ZMAT4: variants seen among roughly 807,000 people sequenced by gnomAD.
The protein encoded by ZMAT4 is zinc finger matrin-type 4.
In ZMAT4, 17 loss-of-function variants were observed where a neutral mutation model predicts 28.7. That is an observed-to-expected ratio of 0.59 (90% CI 0.41 to 0.89). The LOEUF (loss-of-function observed/expected upper bound fraction) is 0.89, where lower values mean the gene tolerates loss of function less well. ZMAT4 is among the 40% of genes least tolerant of loss of function. The pLI, the probability that ZMAT4 is intolerant of heterozygous loss-of-function variation, is 0.00. For missense variants in ZMAT4, 240 were observed against 283.8 expected, an observed-to-expected ratio of 0.85 and a Z score of 1.11; for synonymous variants, 117 against 109.2, an observed-to-expected ratio of 1.07 and a Z score of -0.44.
At chr8:40,786,413 A>G (rs1814083921) in intron 2 of ZMAT4, among the ~76,000 whole-genome samples, 1 of 152,090 alleles carries the variant, frequency 6.6e-6, no homozygotes, top group African/African-American at 2.4e-5. Context: ...ATGGTTATGA[A>G]TTATAGAAGG....
intron 4 of ZMAT4, among the ~76,000 whole-genome samples, chr8:40,692,696 T>C (rs1415678788): frequency 6.6e-6 from 1 of 152,206 alleles, no homozygotes; most frequent in African/African-American, 2.4e-5. Flanking sequence ...ATTCCAATTA[T>C]GCATAATCTT....
intron 4 of ZMAT4, among the ~76,000 whole-genome samples, chr8:40,689,267 A>G (rs1809554726): frequency 6.6e-6 from 1 of 152,234 alleles, no homozygotes; most frequent in African/African-American, 2.4e-5. Context: ...AAGTAGCCAG[A>G]GTCCACAGGT....
intron 1 of ZMAT4, among the ~76,000 whole-genome samples, chr8:40,877,142 G>A (rs748770644): frequency 5.9e-5 from 9 of 152,204 alleles, no homozygotes; most frequent in African/African-American, 9.7e-5. Flanking sequence ...GGGAAGATGC[G>A]ATGAAGACCC....
At chr8:40,828,812 C>G (rs1357850138) in intron 1 of ZMAT4, among the ~76,000 whole-genome samples, 1 of 152,108 alleles carries the variant, frequency 6.6e-6, no homozygotes, top group Admixed American at 6.5e-5. Flanking sequence ...TCACTTTAGA[C>G]AACCAGAGGG....
At chr8:40,616,455 T>G (rs1040844057) in intron 5 of ZMAT4, among the ~76,000 whole-genome samples, 2 of 152,228 alleles carry the variant, frequency 1.3e-5, no homozygotes, top group African/African-American at 4.8e-5. Context: ...ATTGTGGCAC[T>G]ATTTACAATA....
At chr8:40,628,995 G>A (rs911698766) in intron 5 of ZMAT4, among the ~76,000 whole-genome samples, 14 of 117,752 alleles carry the variant, frequency 1.2e-4, no homozygotes, top group Non-Finnish European at 2.4e-4. Context: ...TCCTGCCCTC[G>A]AGCTTTCTTT....
intron 1 of ZMAT4, among the ~76,000 whole-genome samples, chr8:40,884,071 C>G (rs925730633): frequency 2.0e-5 from 3 of 152,158 alleles, no homozygotes; most frequent in African/African-American, 7.2e-5. Flanking sequence ...GTGCAGGGAG[C>G]ATTTGTCTCC....
At chr8:40,711,953 GT>G (rs1468152419) in intron 3 of ZMAT4, among the ~76,000 whole-genome samples, 2 of 152,072 alleles carry the variant, frequency 1.3e-5, no homozygotes, top group Non-Finnish European at 2.9e-5. Context: ...TTGTATGTGG[GT>G]TTTATTTTCT....
At chr8:40,656,826 C>A (rs1807946763) in intron 5 of ZMAT4, among the ~76,000 whole-genome samples, 2 of 151,692 alleles carry the variant, frequency 1.3e-5, no homozygotes, top group African/African-American at 2.4e-5. Context: ...ATAAAATGTC[C>A]AAAATAGGCA....
intron 1 of ZMAT4, among the ~76,000 whole-genome samples, chr8:40,847,585 C>T (rs1385936953): frequency 6.6e-6 from 1 of 152,226 alleles, no homozygotes; most frequent in African/African-American, 2.4e-5. Context: ...TCTTCCTCTG[C>T]AGCATGTCAG....
In ZMAT4 at chr8:40,638,468, G is replaced by C. The variant is rs933919908; in HGVS notation, c.577+36236C>G. Among the ~76,000 whole-genome samples, 5 of 152,326 alleles carry C rather than the reference G, an allele frequency of 3.3e-5. No homozygotes were observed. The East Asian group carries it at 9.6e-4, about 29-fold the overall frequency. On this transcript the variant is annotated intron_variant, in intron 5 of 6. Transcript: ENST00000297737. ...CAAGTAAGGGTTAAAAGCCACCTCT[G>C]CTAGGAGAGGAAATCCACTGAGTCT...
intron 5 of ZMAT4, among the ~76,000 whole-genome samples, chr8:40,672,310 G>A (rs140472960): frequency 9.5e-4 from 145 of 152,200 alleles, no homozygotes; most frequent in African/African-American, 3.3e-3. Flanking sequence ...CAGGAATAGA[G>A]GGGTGTGTGT....
chr8:40,796,485 T>C (rs1297226979), intron 2 of ZMAT4, among the ~76,000 whole-genome samples: 1 of 152,054 alleles, frequency 6.6e-6, no homozygotes, highest in East Asian at 1.9e-4. Context: ...AGTCAGCAAC[T>C]CGCCAAGTGG....
intron 1 of ZMAT4, among the ~76,000 whole-genome samples, chr8:40,842,899 C>A (rs914457069): frequency 2.0e-5 from 3 of 152,170 alleles, no homozygotes; most frequent in Non-Finnish European, 4.4e-5. Context: ...CCTCAGCCTC[C>A]GGAGTAGCTG....
At chr8:40,774,628 T>C (rs555464986) in intron 2 of ZMAT4, among the ~76,000 whole-genome samples, 18 of 151,862 alleles carry the variant, frequency 1.2e-4, no homozygotes, top group Admixed American at 2.0e-4. Flanking sequence ...TATATCCATA[T>C]AATAGATACC....
chr8:40,693,581 G>T (rs1256493190), intron 4 of ZMAT4, among the ~76,000 whole-genome samples: 1 of 152,270 alleles, frequency 6.6e-6, no homozygotes, highest in South Asian at 2.1e-4. Flanking sequence ...AGATCATCCA[G>T]TCTCTAGATC....
intron 2 of ZMAT4, among the ~76,000 whole-genome samples, chr8:40,792,525 A>AAGGAAGGAAGGG (rs1563487497): frequency 2.5e-4 from 4 of 16,216 alleles, no homozygotes; most frequent in African/African-American, 8.8e-4. Context: ...GGAAGGAAGG[A>AAGGAAGGAAGGG]AGGAAGGGAC....
At chr8:40,846,348 T>G (rs1000555601) in intron 1 of ZMAT4, among the ~76,000 whole-genome samples, 2 of 152,178 alleles carry the variant, frequency 1.3e-5, no homozygotes, top group Admixed American at 6.5e-5. Context: ...CCATAAATTC[T>G]TCTGGGACAC....
intron 6 of ZMAT4, among the ~76,000 whole-genome samples, chr8:40,558,278 A>T (rs1265611543): frequency 6.6e-6 from 1 of 152,070 alleles, no homozygotes; most frequent in Non-Finnish European, 1.5e-5. Context: ...TTGCCAGCGG[A>T]GGGGACTATG....
Sources: allele counts gnomAD v4.1 joint callset (sites outside exome capture counted in the v4.1 genomes callset), GRCh38; gene constraint gnomAD v4.1.1; transcripts MANE v1.5; gene names NCBI Gene and HGNC (gene_info 2026-07-23, HGNC 2026-07-21).